Variants in ARHGAP15 observed in about 807,000 individuals in gnomAD.
ARHGAP15 encodes Rho GTPase activating protein 15.
In ARHGAP15, 51 loss-of-function variants were observed where a neutral mutation model predicts 63.7. That is an observed-to-expected ratio of 0.80 (90% CI 0.64 to 1.01). ARHGAP15 has a LOEUF of 1.01. Ranked by LOEUF, ARHGAP15 falls within the 50% of genes least tolerant of loss-of-function variation. The probability of loss-of-function intolerance (pLI) is 0.00; values close to 1 mark genes in which losing one functional copy is unlikely to be tolerated. For synonymous variants in ARHGAP15, 191 were observed against 193.8 expected (o/e 0.99, Z 0.12); for missense variants, 560 against 564.6 (o/e 0.99, Z 0.08).
chr2:143,225,891 G>A (rs1198078800), intron 4 of ARHGAP15, among the ~76,000 whole-genome samples: 1 of 152,130 alleles, frequency 6.6e-6, no homozygotes, highest in South Asian at 2.1e-4. Flanking sequence ...GGAAAAAATC[G>A]AGATGAAAGA....
chr2:143,319,090 A>G (rs909953458), intron 6 of ARHGAP15, among the ~76,000 whole-genome samples: 1 of 152,058 alleles, frequency 6.6e-6, no homozygotes, highest in African/African-American at 2.4e-5. Context: ...TCTGTCTCCT[A>G]TCTCCTAGAC....
At chr2:143,650,259 G>A (rs1384379322) in intron 12 of ARHGAP15, among the ~76,000 whole-genome samples, 3 of 151,816 alleles carry the variant, frequency 2.0e-5, no homozygotes, top group African/African-American at 7.3e-5. Flanking sequence ...ACCTGAGGTG[G>A]CACTATCATT....
intron 6 of ARHGAP15, among the ~76,000 whole-genome samples, chr2:143,296,972 TC>T (rs1682662907): frequency 6.6e-6 from 1 of 151,982 alleles, no homozygotes; most frequent in Non-Finnish European, 1.5e-5. Context: ...TACCTTTTTT[TC>T]CTTAGGTTAT....
At chr2:143,713,535 A>G (rs1684677122) in intron 13 of ARHGAP15, among the ~76,000 whole-genome samples, 1 of 152,138 alleles carries the variant, frequency 6.6e-6, no homozygotes, top group Admixed American at 6.6e-5. Context: ...AGTCCCCCAA[A>G]GTCTTAACTC....
At chr2:143,276,530 G>T (rs17228139) in intron 6 of ARHGAP15, among the ~76,000 whole-genome samples, 18,289 of 152,198 alleles carry the variant, frequency 0.12, 1,505 homozygotes, top group Admixed American at 0.25. Context: ...AATCCCATTT[G>T]TTAGACATTT....
intron 6 of ARHGAP15, among the ~76,000 whole-genome samples, chr2:143,325,090 G>A (rs1684193280): frequency 6.6e-6 from 1 of 152,056 alleles, no homozygotes; most frequent in South Asian, 2.1e-4. Context: ...CTATCAAAGA[G>A]GAAAGCCAGC....
intron 12 of ARHGAP15, among the ~76,000 whole-genome samples, chr2:143,690,500 C>T (rs1683547609): frequency 6.6e-6 from 1 of 152,102 alleles, no homozygotes; most frequent in Non-Finnish European, 1.5e-5. Context: ...GATAACGGGC[C>T]CCAGAGGGGA....
chr2:143,405,904 G>A (rs762788895), intron 6 of ARHGAP15, among the ~76,000 whole-genome samples: 2 of 151,758 alleles, frequency 1.3e-5, no homozygotes, highest in African/African-American at 2.4e-5. Flanking sequence ...TTTTTTCTTT[G>A]TCCATAAAGT....
At chr2:143,492,951 G>C (rs1056491590) in intron 9 of ARHGAP15, among the ~76,000 whole-genome samples, 5 of 151,786 alleles carry the variant, frequency 3.3e-5, no homozygotes, top group Admixed American at 2.6e-4. Flanking sequence ...CCAGCTACTC[G>C]GGAGGCTGAA....
chr2:143,513,334 G>C (rs1015007441), intron 9 of ARHGAP15, among the ~76,000 whole-genome samples: 2 of 152,276 alleles, frequency 1.3e-5, no homozygotes, highest in Non-Finnish European at 2.9e-5. Context: ...ATAATCAGCA[G>C]TGTACTTCAC....
intron 6 of ARHGAP15, among the ~76,000 whole-genome samples, chr2:143,261,988 G>A (rs1680746579): frequency 6.6e-6 from 1 of 152,142 alleles, no homozygotes; most frequent in Admixed American, 6.5e-5. Context: ...AATGTCTTTA[G>A]ATCTTGAGTT....
intron 12 of ARHGAP15, among the ~76,000 whole-genome samples, chr2:143,652,129 TGA>T (rs1219353115): frequency 9.9e-5 from 15 of 152,046 alleles, no homozygotes; most frequent in South Asian, 4.1e-4. Flanking sequence ...GATATAAGTT[TGA>T]GAGTCAGATA....
chr2:143,254,428 A>G (rs1680316245), intron 6 of ARHGAP15, among the ~76,000 whole-genome samples: 1 of 152,020 alleles, frequency 6.6e-6, no homozygotes. Context: ...AAAAAAAAAA[A>G]ACTCTTATAT....
chr2:143,684,175 T>G (rs2105376896), intron 12 of ARHGAP15, among the ~76,000 whole-genome samples: 2 of 152,286 alleles, frequency 1.3e-5, no homozygotes, highest in East Asian at 3.9e-4. Flanking sequence ...AGTCTTTTAT[T>G]AGTGCTTGAT....
intron 2 of ARHGAP15, among the ~76,000 whole-genome samples, chr2:143,175,972 T>A (rs1690995623): frequency 6.6e-6 from 1 of 152,164 alleles, no homozygotes; most frequent in African/African-American, 2.4e-5. Flanking sequence ...GAAATTAGTA[T>A]GTTATACATT....
At chr2:143,696,614 C>T (rs974474386) in intron 12 of ARHGAP15, among the ~76,000 whole-genome samples, 9 of 152,100 alleles carry the variant, frequency 5.9e-5, no homozygotes, top group African/African-American at 1.9e-4. Flanking sequence ...AATCCATAAA[C>T]TTATGCCAAT....
intron 3 of ARHGAP15, among the ~76,000 whole-genome samples, chr2:143,208,067 A>G (rs572319712): frequency 7.9e-5 from 12 of 152,306 alleles, no homozygotes; most frequent in African/African-American, 2.4e-4. Flanking sequence ...GAGCTATCAT[A>G]TATGAAATAA....
chr2:143,527,088 A>G (rs1694311005), intron 10 of ARHGAP15, among the ~76,000 whole-genome samples: 1 of 152,100 alleles, frequency 6.6e-6, no homozygotes, highest in East Asian at 1.9e-4. Context: ...CTAAAGCATG[A>G]TGTTCTTTTT....
In ARHGAP15 at chr2:143,568,868, A is replaced by G. The variant is rs576294218; in HGVS notation, c.1003+12383A>G. Among the ~76,000 whole-genome samples, 5 of 152,344 alleles carry G rather than the reference A, an allele frequency of 3.3e-5. No individual in the cohort carries two copies. In the South Asian group the frequency reaches 1.0e-3, roughly 32 times the overall value. ...ATGAATTCATGTCCTTTGCAGGGACATGGATGAAACTGGAAACTATCATTC... is the reference window on the plus strand; with the variant it reads ...ATGAATTCATGTCCTTTGCAGGGACGTGGATGAAACTGGAAACTATCATTC... On this transcript the variant is annotated intron_variant, in intron 11 of 13. Transcript: ENST00000295095.
Sources: gnomAD v4.1 joint callset for allele counts (sites outside exome capture counted in the v4.1 genomes callset) on GRCh38, gnomAD v4.1.1 for gene constraint, MANE v1.5 for transcripts, NCBI Gene and HGNC (gene_info 2026-07-23, HGNC 2026-07-21) for gene names.